SLC17A1: variants seen among roughly 807,000 people sequenced by gnomAD.
The protein encoded by SLC17A1 is sodium-dependent phosphate transport protein 1.
In SLC17A1, 51 loss-of-function variants were observed where a neutral mutation model predicts 53.5. That is an observed-to-expected ratio of 0.95 (90% CI 0.76 to 1.20). The LOEUF is 1.20. Ranked by LOEUF, SLC17A1 falls within the 50% of genes most tolerant of loss-of-function variation. The pLI, the probability that SLC17A1 is intolerant of heterozygous loss-of-function variation, is 0.00. For missense variants in SLC17A1, 538 were observed against 568.2 expected, an observed-to-expected ratio of 0.95 and a Z score of 0.54; for synonymous variants, 179 against 198.8, an observed-to-expected ratio of 0.90 and a Z score of 0.84.
downstream of SLC17A1, chr6:25,779,236 T>C: frequency 1.9e-6 from 3 of 1,607,228 alleles, no homozygotes; most frequent in Non-Finnish European, 2.6e-6. Context: ...CATCATTGTT[T>C]TCCCTCACAG....
chr6:25,756,563 C>T, the SLC17A1 span, among the ~76,000 whole-genome samples: 38 of 152,276 alleles, frequency 2.5e-4, no homozygotes, highest in African/African-American at 7.7e-4. Context: ...GCCTGCATCA[C>T]GCTGTCCCCA....
At chr6:25,737,966 C>T in the SLC17A1 span, among the ~76,000 whole-genome samples, 27 of 152,240 alleles carry the variant, frequency 1.8e-4, 2 homozygotes, top group Admixed American at 1.5e-3. Context: ...CAACTGTATA[C>T]TGGAAGTCCT....
rs1214278860 is a variant in SLC17A1 at position 25,813,173 on chromosome 6, C to A, written c.657G>T (p.Leu219=). 2 of 1,614,018 alleles carry A rather than the reference C, an allele frequency of 1.2e-6. No homozygotes were observed. The highest frequency in any genetic ancestry group is 2.7e-5 in the African/African-American group (2 of 74,910). ...GGTGGTCTTTGGGGTCATCATAAAA[C>A]AGAACGAACCAGAGAAGACATACGG... ...GCAVCLLWFV[L]FYDDPKDHPC... The change falls in exon 7 of 13, where the codon CTG becomes CTT. Residue 219 remains leucine (L), a synonymous_variant. Coordinates refer to ENST00000244527, the MANE Select transcript of SLC17A1 (RefSeq NM_005074.5).
chr6:25,804,673 G>A (rs1018117831), intron 10 of SLC17A1, among the ~76,000 whole-genome samples: 6 of 151,870 alleles, frequency 4.0e-5, no homozygotes, highest in African/African-American at 1.5e-4. Context: ...ATAAACTCAA[G>A]GTAAAAGGGT....
chr6:25,726,939 A>T, the SLC17A1 span: 1 of 1,613,910 alleles, frequency 6.2e-7, no homozygotes, highest in South Asian at 1.1e-5. Context: ...AGGTGCTACC[A>T]TTTCCAAGAA....
At chr6:25,767,123 C>T in the SLC17A1 span, among the ~76,000 whole-genome samples, 1 of 151,976 alleles carries the variant, frequency 6.6e-6, no homozygotes, top group Non-Finnish European at 1.5e-5. Flanking sequence ...AGAAAAATGG[C>T]TATGTACCTA....
chr6:25,768,329 T>C, the SLC17A1 span: 9 of 978,820 alleles, frequency 9.2e-6, no homozygotes, highest in Non-Finnish European at 1.1e-5. Flanking sequence ...CTGGGATTTC[T>C]CTACAGGGAT....
At chr6:25,752,784 C>T in the SLC17A1 span, among the ~76,000 whole-genome samples, 1 of 151,928 alleles carries the variant, frequency 6.6e-6, no homozygotes, top group African/African-American at 2.4e-5. Flanking sequence ...AACCCCGTCT[C>T]TACTAAAAAT....
Position 25,811,387 on chromosome 6 carries a change from A to G in SLC17A1, c.1178+11T>C, listed in dbSNP as rs773705415. ...TTAAAGGTTAAAAAAAAGCGTATAA[A>G]CAAATCCTACCTGGGAGCAATATCC... is the stretch of plus-strand genomic sequence containing the variant. On this transcript the variant is annotated intron_variant, in intron 10 of 12. Transcript: ENST00000244527. 6.2e-7 allele frequency: 1 copy of G among 1,604,182 alleles called. No individual in the cohort carries two copies. Among genetic ancestry groups the G allele is most frequent in the Non-Finnish European group, 8.5e-7 (1 of 1,174,218 alleles).
intron 2 of SLC17A1, among the ~76,000 whole-genome samples, chr6:25,830,061 C>T (rs1764892577): frequency 6.6e-6 from 1 of 152,118 alleles, no homozygotes; most frequent in Non-Finnish European, 1.5e-5. Flanking sequence ...GACATTGACA[C>T]AACGCTAAAC....
the SLC17A1 span, chr6:25,768,386 C>G: frequency 4.1e-6 from 4 of 987,246 alleles, no homozygotes; most frequent in Non-Finnish European, 4.8e-6. Flanking sequence ...TATATGGACT[C>G]AACCACAGGG....
chr6:25,817,993 T>C (rs1357942032), intron 6 of SLC17A1, among the ~76,000 whole-genome samples: 3 of 152,210 alleles, frequency 2.0e-5, no homozygotes, highest in Non-Finnish European at 2.9e-5. Context: ...ATTATGCCTC[T>C]GCCATCTGCT....
the SLC17A1 span, among the ~76,000 whole-genome samples, chr6:25,770,708 T>C: frequency 6.6e-6 from 1 of 152,204 alleles, no homozygotes; most frequent in Non-Finnish European, 1.5e-5. Flanking sequence ...ATTTTATAAG[T>C]CAGCTATATA....
intron 12 of SLC17A1, among the ~76,000 whole-genome samples, chr6:25,794,656 G>T (rs1454382054): frequency 6.6e-6 from 1 of 152,150 alleles, no homozygotes; most frequent in African/African-American, 2.4e-5. Context: ...GGGTGACATT[G>T]GACATCAACT....
chr6:25,724,409 C>T, the SLC17A1 span, among the ~76,000 whole-genome samples: 2 of 152,108 alleles, frequency 1.3e-5, no homozygotes, highest in African/African-American at 2.4e-5. Flanking sequence ...GGTGACAGAG[C>T]GAGACTCTGG....
At chr6:25,727,396 A>C in the SLC17A1 span, 2 of 933,540 alleles carry the variant, frequency 2.1e-6, no homozygotes, top group Non-Finnish European at 1.5e-6. Flanking sequence ...TCTAACCGTA[A>C]GGGTTTTTTT....
At position 25,814,983 on chromosome 6, in the gene SLC17A1, T is replaced by TCTCACA. The variant is rs773502408; in HGVS notation, c.617-1771_617-1770insTGTGAG. On this transcript the variant is annotated intron_variant, in intron 6 of 12. Transcript: ENST00000244527. Reference sequence around the variant, plus strand: ...GCTGGCCGACAAAAGCAAGACTCTGTCACACAAACACACACACACACACAC... The same window carrying TCTCACA: ...GCTGGCCGACAAAAGCAAGACTCTGTCTCACACACACAAACACACACACACACACAC... Among the ~76,000 whole-genome samples the TCTCACA allele has an allele frequency of 4.6e-3, 649 of 140,524 alleles. 3 individuals carry two copies. The highest frequency in any genetic ancestry group is 0.01 in the African/African-American group (392 of 37,704). 92.2% of individuals were successfully genotyped at this position (140,524 alleles called of 152,430 possible). A position where few individuals can be genotyped will look rare whatever the true frequency, so the allele number is the denominator to read the frequency against.
At chr6:25,784,874 G>C (rs1763346789) in intron 12 of SLC17A1, among the ~76,000 whole-genome samples, 1 of 152,082 alleles carries the variant, frequency 6.6e-6, no homozygotes, top group African/African-American at 2.4e-5. Flanking sequence ...GTCTACTCTA[G>C]CCACTTCTGC....
chr6:25,792,483 TTG>T (rs3034359), intron 12 of SLC17A1, among the ~76,000 whole-genome samples: 57,933 of 151,692 alleles, frequency 0.38, 11,874 homozygotes, highest in East Asian at 0.7. Context: ...CCCTTTAAAA[TTG>T]TTCTAGCCTG....
Sources: allele counts gnomAD v4.1 joint callset (sites outside exome capture counted in the v4.1 genomes callset), GRCh38; gene constraint gnomAD v4.1.1; transcripts MANE v1.5; gene names NCBI Gene and HGNC (gene_info 2026-07-23, HGNC 2026-07-21).